The following DDX39A variants were observed in gnomAD, a reference collection of about 807,000 sequenced individuals.
The protein encoded by DDX39A is ATP-dependent RNA helicase DDX39A.
DDX39A carries 13 observed loss-of-function variants against 46.3 expected under a neutral mutation model. The ratio of observed to expected loss-of-function variants is 0.28; its 90% CI spans 0.18 to 0.45. The LOEUF is 0.45. Ranked by LOEUF, DDX39A falls within the 20% of genes least tolerant of loss-of-function variation. The probability of loss-of-function intolerance (pLI) is 1.00; values close to 1 mark genes in which losing one functional copy is unlikely to be tolerated. For missense variants in DDX39A, 352 were observed against 581.8 expected (o/e 0.61, Z 4.06); for synonymous variants, 234 against 224.6 (o/e 1.04, Z -0.38).
chr19:14,412,017 GCT>G lies in DDX39A; in HGVS notation c.337-421_337-420del, dbSNP rs1275339413. On this transcript the variant is annotated intron_variant, in intron 3 of 10. Coordinates refer to ENST00000242776, the MANE Select transcript of DDX39A (RefSeq NM_005804.4). This position sits in a 1 kb window ranked among gnomAD's most constrained non-coding sequence, Gnocchi z 4.4. The stretch of plus-strand genomic sequence containing the variant: ...ACAGCACCTTCATCCTTCAGGATGT[GCT>G]CTGAGATAACGAGGGCACGGGCGCC... Among the ~76,000 whole-genome samples, 3 of 152,170 alleles carry G rather than the reference GCT, an allele frequency of 2.0e-5. No homozygotes were observed. The East Asian group carries it at 5.8e-4, about 29-fold the overall frequency.
rs751889947 is a variant in DDX39A at position 14,412,430 on chromosome 19, G to GCAAT, written c.336+117_336+120dup. 6 of 1,394,358 alleles carry GCAAT rather than the reference G, an allele frequency of 4.3e-6. No individual in the cohort carries two copies. In the South Asian group the frequency reaches 6.8e-5, roughly 16 times the overall value. The allele number at this position is 1,394,358 out of a possible 1,614,324, so 86.4% of individuals were successfully genotyped here. On this transcript the variant is annotated intron_variant, in intron 3 of 10. Coordinates refer to ENST00000242776, the MANE Select transcript of DDX39A (RefSeq NM_005804.4). This position sits in a 1 kb window ranked among gnomAD's most constrained non-coding sequence, Gnocchi z 4.4. Reference sequence around the variant, plus strand: ...TGCAGCCTCGACTTCCTGGGCTCAAGCAATCCTCCAGCCTCAGCTTCCCAA... The same window carrying GCAAT: ...TGCAGCCTCGACTTCCTGGGCTCAAGCAATCAATCCTCCAGCCTCAGCTTCCCAA...
chr19:14,417,770 C>T (rs1027263334), intron 1 of DDX39A, among the ~76,000 whole-genome samples: 1 of 151,896 alleles, frequency 6.6e-6, no homozygotes, highest in African/African-American at 2.4e-5. Flanking sequence ...GAGGCTGTGC[C>T]GGGAGGATCG....
chr19:14,414,079 C>G (rs1976702857), intron 1 of DDX39A: 1 of 152,154 alleles, frequency 6.6e-6, no homozygotes, highest in Non-Finnish European at 1.5e-5. Flanking sequence ...CTACCCCAGA[C>G]TCCAGTGGGG....
rs928073387 is a variant in DDX39A at position 14,410,101 on chromosome 19, C to G, written c.732+115G>C. On this transcript the variant is annotated intron_variant, in intron 6 of 10. Transcript: ENST00000242776. The surrounding 1 kb of genome is among the most constrained non-coding windows in gnomAD (Gnocchi z 4.3). ...AGACCGAGGGGAGGAAAGGAGGCTC[C>G]GCCGGCTCCCAGCATCCCAGCATCC... 4 of 1,128,704 alleles carry G rather than the reference C, an allele frequency of 3.5e-6. No homozygotes were observed. In the African/African-American group the frequency reaches 4.6e-5, roughly 13 times the overall value. 69.9% of individuals were successfully genotyped at this position (1,128,704 alleles called of 1,614,324 possible). A position where few individuals can be genotyped will look rare whatever the true frequency, so the allele number is the denominator to read the frequency against.
rs1174897850 is a variant in DDX39A, at chr19:14,410,965, G to T, written c.613+24C>A. The T allele has an allele frequency of 2.0e-6, 3 of 1,523,390 alleles. No individual in the cohort carries two copies. In the Admixed American group the frequency reaches 6.1e-5, roughly 31 times the overall value. The allele number at this position is 1,523,390 out of a possible 1,614,324, so 94.4% of individuals were successfully genotyped here. ...CCGCCTAGTCACTGACTCTCAGCTG[G>T]GGCTGCAAGGGCAGAGGACTCACCC... On this transcript the variant is annotated intron_variant, in intron 5 of 10. Transcript: ENST00000242776. This position sits in a 1 kb window ranked among gnomAD's most constrained non-coding sequence, Gnocchi z 4.3.
Position 14,412,273 on chromosome 19 carries a change from G to A in DDX39A, c.336+278C>T. ...AGCAACGATGCCTCTGGGGCAAGGG[G>A]CAAACTGTGGGCACTTTCCAGTTAT... On this transcript the variant is annotated intron_variant, in intron 3 of 10. Coordinates refer to ENST00000242776, the MANE Select transcript of DDX39A (RefSeq NM_005804.4). The surrounding 1 kb of genome is among the most constrained non-coding windows in gnomAD (Gnocchi z 4.4). 1 of 379,230 alleles carries A rather than the reference G, an allele frequency of 2.6e-6. No homozygotes were observed. The highest frequency in any genetic ancestry group is 4.8e-6 in the Non-Finnish European group (1 of 206,594). 23.5% of individuals were successfully genotyped at this position (379,230 alleles called of 1,614,324 possible).
rs1038355402 is a variant in DDX39A at position 14,418,397 on chromosome 19, G to A, written c.-5+873C>T. Among the ~76,000 whole-genome samples the A allele has an allele frequency of 3.2e-4, 49 of 152,178 alleles. 1 individual carries two copies. The highest frequency in any genetic ancestry group is 6.5e-4 in the Non-Finnish European group (44 of 68,036). On this transcript the variant is annotated intron_variant, in intron 1 of 10. Coordinates refer to ENST00000242776, the MANE Select transcript of DDX39A (RefSeq NM_005804.4). ...AGTTACCCTCAAGTGTCCCCAGGCA[G>A]GCTTTCCACCCCGGAGTTTATTCCC...
intron 1 of DDX39A, among the ~76,000 whole-genome samples, chr19:14,415,400 A>G (rs1976769934): frequency 6.6e-6 from 1 of 151,876 alleles, no homozygotes; most frequent in African/African-American, 2.4e-5. Flanking sequence ...CCCGGGCTCA[A>G]TCAAGCGATC....
Position 14,409,798 on chromosome 19 carries a change from CTTTGAG to C in DDX39A, c.802_807del (p.Leu268_Lys269del). ...AAGAGCTTGCGGTTCTTCTCACTGT[CTTTGAG>C]TTTGACGTAGTACTGCTGCAGGCCG... On this transcript the variant is annotated inframe_deletion, in exon 7 of 11. Coordinates refer to ENST00000242776, the MANE Select transcript of DDX39A (RefSeq NM_005804.4). The surrounding 1 kb of genome is among the most constrained non-coding windows in gnomAD (Gnocchi z 8.3). 1.2e-6 allele frequency: 2 copies of C among 1,614,168 alleles called. No homozygotes were observed. Among genetic ancestry groups the C allele is most frequent in the Non-Finnish European group, 1.7e-6 (2 of 1,180,038 alleles).
chr19:14,409,745 G>A lies in DDX39A; in HGVS notation c.861C>T (p.Asn287=), dbSNP rs1055630597. ...LFDLLDVLEF[N]QVIIFVKSVQ... ...GACAGGCTGATGGAAGTATCACCTG[G>A]TTAAACTCCAGCACATCCAAGAGAT... Residue 287 remains asparagine, a synonymous_variant, in exon 7 of 11, where the codon AAC becomes AAT. Coordinates refer to ENST00000242776, the MANE Select transcript of DDX39A (RefSeq NM_005804.4). This position sits in a 1 kb window ranked among gnomAD's most constrained non-coding sequence, Gnocchi z 8.3. The A allele has an allele frequency of 6.2e-7, 1 of 1,614,188 alleles. No individual in the cohort carries two copies. The highest frequency in any genetic ancestry group is 2.2e-5 in the East Asian group (1 of 44,890).
Position 14,413,125 on chromosome 19 carries a change from T to C in DDX39A, c.96A>G (p.Lys32=). The C allele has an allele frequency of 6.2e-7, 1 of 1,614,094 alleles. No homozygotes were observed. The highest frequency in any genetic ancestry group is 8.5e-7 in the Non-Finnish European group (1 of 1,179,994). The part of the protein sequence containing the change: ...PQESTPAPPK[K]DIKGSYVSIH... ...TGGAAACGTAGGATCCCTTGATGTC[T>C]TTCTTAGGGGGAGCTGGTGTGCTCT... The change falls in exon 2 of 11, where the codon AAA becomes AAG. Residue 32 remains lysine, a synonymous_variant. Coordinates refer to ENST00000242776, the MANE Select transcript of DDX39A (RefSeq NM_005804.4).
chr19:14,410,996 C>A lies in DDX39A; in HGVS notation c.606G>T (p.Glu202Asp), dbSNP rs777727425. The A allele has an allele frequency of 5.7e-6, 9 of 1,576,278 alleles. No homozygotes were observed. In the East Asian group the frequency reaches 1.4e-4, roughly 24 times the overall value. Reference sequence around the variant, plus strand: ...CAAGGGCAGAGGACTCACCCAGCTGCTCCAGCATCTTGTCACACTCGTCCA... The same window carrying A: ...CAAGGGCAGAGGACTCACCCAGCTGATCCAGCATCTTGTCACACTCGTCCA... ...FVLDECDKMLEQLDMRRDVQE... is the reference protein window; with the variant it reads ...FVLDECDKMLDQLDMRRDVQE... Residue 202 changes from glutamate to aspartate, a missense_variant, in exon 5 of 11, where the codon GAG (glutamate) becomes GAT (aspartate). Transcript: ENST00000242776. This position sits in a 1 kb window ranked among gnomAD's most constrained non-coding sequence, Gnocchi z 4.3.
chr19:14,413,110 G>C lies in DDX39A; in HGVS notation c.111C>G (p.Ser37=). Residue 37 remains serine, a synonymous_variant, in exon 2 of 11, where the codon TCC becomes TCG. Coordinates refer to ENST00000242776, the MANE Select transcript of DDX39A (RefSeq NM_005804.4). The part of the protein sequence containing the change: ...PAPPKKDIKG[S]YVSIHSSGFR... ...AGCCAGAGCTGTGGATGGAAACGTA[G>C]GATCCCTTGATGTCTTTCTTAGGGG... 6.2e-7 allele frequency: 1 copy of C among 1,614,138 alleles called. No individual in the cohort carries two copies. The highest frequency in any genetic ancestry group is 8.5e-7 in the Non-Finnish European group (1 of 1,180,002).
chr19:14,411,383 A>G lies in DDX39A; in HGVS notation c.429+123T>C. ...ATCAGGCTTTTAAGGAGCAAAAACC[A>G]CCGCAAACCTCAAAGGCAGCTGCCC... On this transcript the variant is annotated intron_variant, in intron 4 of 10. Coordinates refer to ENST00000242776, the MANE Select transcript of DDX39A (RefSeq NM_005804.4). This position sits in a 1 kb window ranked among gnomAD's most constrained non-coding sequence, Gnocchi z 4.1. The G allele has an allele frequency of 9.2e-7, 1 of 1,087,812 alleles. No homozygotes were observed. The highest frequency in any genetic ancestry group is 2.4e-5 in the East Asian group (1 of 41,178). The allele number at this position is 1,087,812 out of a possible 1,614,324, so 67.4% of individuals were successfully genotyped here.
At chr19:14,413,350 G>C (rs1202771939) in intron 1 of DDX39A, 126 bp from the exon 2 acceptor site, 1 of 837,788 alleles carries the variant, frequency 1.2e-6, no homozygotes, top group Non-Finnish European at 1.8e-6. Flanking sequence ...GCTGCACCTC[G>C]CAGCTTCGCC....
Position 14,411,461 on chromosome 19 carries a change from C to T in DDX39A, c.429+45G>A, listed in dbSNP as rs1010723320. 1 of 1,562,594 alleles carries T rather than the reference C, an allele frequency of 6.4e-7. No individual in the cohort carries two copies. Among genetic ancestry groups the T allele is most frequent in the Non-Finnish European group, 8.8e-7 (1 of 1,134,180 alleles). ...GCCAGAGCCGAGGCTAACAAAGCTG[C>T]AGAAACCAAGTGGCGCCTGGTCCAG... On this transcript the variant is annotated intron_variant, in intron 4 of 10. Transcript: ENST00000242776. This position sits in a 1 kb window ranked among gnomAD's most constrained non-coding sequence, Gnocchi z 4.1.
rs1976529136 is a variant in DDX39A at position 14,410,391 on chromosome 19, AC to A, written c.614-58del. ...TGAGCGTCTGCCATGCAGGACCCCCACCCCAGACCAGACCCAGACCCCTCCC... is the reference window on the plus strand; with the variant it reads ...TGAGCGTCTGCCATGCAGGACCCCCACCCAGACCAGACCCAGACCCCTCCC... On this transcript the variant is annotated intron_variant, in intron 5 of 10. Coordinates refer to ENST00000242776, the MANE Select transcript of DDX39A (RefSeq NM_005804.4). This position sits in a 1 kb window ranked among gnomAD's most constrained non-coding sequence, Gnocchi z 4.3. 3 of 1,481,556 alleles carry A rather than the reference AC, an allele frequency of 2.0e-6. No individual in the cohort carries two copies. Among genetic ancestry groups the A allele is most frequent in the Non-Finnish European group, 2.8e-6 (3 of 1,063,316 alleles). The allele number at this position is 1,481,556 out of a possible 1,614,324, so 91.8% of individuals were successfully genotyped here. A position where few individuals can be genotyped will look rare whatever the true frequency, so the allele number is the denominator to read the frequency against.
In DDX39A at chr19:14,410,050, G is replaced by A. The variant is rs1599642350; in HGVS notation, c.732+166C>T. 9.7e-7 allele frequency: 1 copy of A among 1,034,412 alleles called. No homozygotes were observed. The highest frequency in any genetic ancestry group is 2.4e-5 in the East Asian group (1 of 41,868). The allele number at this position is 1,034,412 out of a possible 1,614,324, so 64.1% of individuals were successfully genotyped here. A position where few individuals can be genotyped will look rare whatever the true frequency, so the allele number is the denominator to read the frequency against. On this transcript the variant is annotated intron_variant, in intron 6 of 10. Coordinates refer to ENST00000242776, the MANE Select transcript of DDX39A (RefSeq NM_005804.4). The surrounding 1 kb of genome is among the most constrained non-coding windows in gnomAD (Gnocchi z 4.3). The stretch of plus-strand genomic sequence containing the variant: ...TAAGCTCTGGCCCGACTCAGGTGTG[G>A]ACCAAGCTTGACTCCCAGTTTGACA...
At position 14,411,745 on chromosome 19, in the gene DDX39A, A is replaced by T. The variant is rs1976599891; in HGVS notation, c.337-147T>A. The T allele has an allele frequency of 6.0e-6, 4 of 669,798 alleles. No homozygotes were observed. In the African/African-American group the frequency reaches 7.1e-5, roughly 12 times the overall value. 41.5% of individuals were successfully genotyped at this position (669,798 alleles called of 1,614,324 possible). A position where few individuals can be genotyped will look rare whatever the true frequency, so the allele number is the denominator to read the frequency against. ...CCGGTCCAAATGCCTCCCACTTCTC[A>T]CGGCCCTTCCCCACCCCTCACTCCC... is the stretch of plus-strand genomic sequence containing the variant. On this transcript the variant is annotated intron_variant, in intron 3 of 10. Transcript: ENST00000242776. This position sits in a 1 kb window ranked among gnomAD's most constrained non-coding sequence, Gnocchi z 4.1.
Sources: gnomAD v4.1 joint callset for allele counts (sites outside exome capture counted in the v4.1 genomes callset) on GRCh38, gnomAD v4.1.1 for gene constraint, Gnocchi (gnomAD v3.1) non-coding constraint, MANE v1.5 for transcripts, NCBI Gene and HGNC (gene_info 2026-07-23, HGNC 2026-07-21) for gene names.